NBR1: variants seen among roughly 807,000 people sequenced by gnomAD.
NBR1 encodes NBR1 autophagy cargo receptor.
NBR1 carries 59 observed loss-of-function variants against 115.5 expected under a neutral mutation model. That is an observed-to-expected ratio of 0.51 (90% CI 0.41 to 0.63). NBR1 has a LOEUF of 0.63. Ranked by LOEUF, NBR1 falls within the 30% of genes least tolerant of loss-of-function variation. NBR1 has a pLI of 0.00. For missense variants in NBR1, 1,043 were observed against 1,150.5 expected (o/e 0.91, Z 1.35); for synonymous variants, 373 against 414.7 (o/e 0.90, Z 1.22).
intron 1 of NBR1, among the ~76,000 whole-genome samples, chr17:43,174,704 G>A (rs1337332898): frequency 6.6e-6 from 1 of 152,050 alleles, no homozygotes; most frequent in African/African-American, 2.4e-5. Flanking sequence ...GGAGATGCGG[G>A]GGTATATGTG....
chr17:43,181,563 G>A (rs1036897889), intron 5 of NBR1, among the ~76,000 whole-genome samples: 1 of 152,244 alleles, frequency 6.6e-6, no homozygotes, highest in Non-Finnish European at 1.5e-5. Context: ...CTACTTGGGA[G>A]GCTGAGGCAG....
chr17:43,184,672 T>C lies in NBR1; in HGVS notation c.208-1578T>C, dbSNP rs372505115. On this transcript the variant is annotated intron_variant, in intron 5 of 20. Coordinates refer to ENST00000590996, the MANE Select transcript of NBR1 (RefSeq NM_005899.5). ...TGAGCCACCGCGCCTGGCCCCAAAATACTATTTTTATTGGAAAAGTAAATG... is the reference window on the plus strand; with the variant it reads ...TGAGCCACCGCGCCTGGCCCCAAAACACTATTTTTATTGGAAAAGTAAATG... Among the ~76,000 whole-genome samples, 59 of 151,820 alleles carry C rather than the reference T, an allele frequency of 3.9e-4. 1 individual carries two copies. The Middle Eastern group carries it at 0.027, about 70-fold the overall frequency.
In NBR1 at chr17:43,202,704, C is replaced by A; in HGVS notation, c.2613C>A (p.Asp871Glu). Reference protein sequence around the residue: ...GLVNSRQKSYDHSRHHHGSSI... With the variant: ...GLVNSRQKSYEHSRHHHGSSI... Reference sequence around the variant, plus strand: ...TAAACAGCAGACAGAAGAGCTATGACCACTCAAGGTAACAACCTTGTGCAG... The same window carrying A: ...TAAACAGCAGACAGAAGAGCTATGAACACTCAAGGTAACAACCTTGTGCAG... Residue 871 changes from aspartate (D) to glutamate (E), a missense_variant, in exon 19 of 21, where the codon GAC (aspartate) becomes GAA (glutamate). By Grantham distance (45) the Asp-to-Glu change is conservative. Transcript: ENST00000590996. 1 of 1,572,710 alleles carries A rather than the reference C, an allele frequency of 6.4e-7. No individual in the cohort carries two copies. Among genetic ancestry groups the A allele is most frequent in the East Asian group, 2.3e-5 (1 of 43,412 alleles).
At chr17:43,201,071 G>A (rs35243819) in intron 17 of NBR1, among the ~76,000 whole-genome samples, 45,948 of 151,898 alleles carry the variant, frequency 0.3, 7,522 homozygotes, top group South Asian at 0.49. Context: ...GTTTTGCCAC[G>A]TTGTCCAGGC....
chr17:43,185,585 C>A lies in NBR1; in HGVS notation c.208-665C>A, dbSNP rs553661602. 2.0e-5 allele frequency among the ~76,000 whole-genome samples: 3 copies of A among 152,266 alleles called. No individual in the cohort carries two copies. The South Asian group carries it at 6.2e-4, about 32-fold the overall frequency. ...GTGTGGTGGCATGCGCCTGTAATCC[C>A]AGCTACCCGGGAGGCTGAGGTGGGA... is the stretch of plus-strand genomic sequence containing the variant. On this transcript the variant is annotated intron_variant, in intron 5 of 20. Transcript: ENST00000590996.
chr17:43,207,328 A>G (rs549171592), intron 20 of NBR1, among the ~76,000 whole-genome samples: 1 of 152,296 alleles, frequency 6.6e-6, no homozygotes, highest in East Asian at 1.9e-4. Flanking sequence ...GTATTTATAT[A>G]TAACCTAGGC....
chr17:43,196,511 A>G lies in NBR1; in HGVS notation c.1781A>G (p.His594Arg). ...ACTCCCTGCATGTCTCCTCTGCCAC[A>G]TGACAGTCCTTTAATAGAGAAGCCA... ...DVTPCMSPLP[H>R]DSPLIEKPGL... Residue 594 changes from histidine (H) to arginine (R), a missense_variant, in exon 15 of 21, where the codon CAT (histidine) becomes CGT (arginine). Transcript: ENST00000590996. The G allele has an allele frequency of 6.3e-7, 1 of 1,598,138 alleles. No homozygotes were observed. The highest frequency in any genetic ancestry group is 8.5e-7 in the Non-Finnish European group (1 of 1,175,000).
Position 43,189,067 on chromosome 17 carries a change from CA to C in NBR1, c.429del (p.Asp144ThrfsTer114). The C allele has an allele frequency of 2.5e-6, 4 of 1,613,054 alleles. No homozygotes were observed. Among genetic ancestry groups the C allele is most frequent in the Non-Finnish European group, 3.4e-6 (4 of 1,179,010 alleles). On this transcript the variant is annotated frameshift_variant, in exon 7 of 21. Coordinates refer to ENST00000590996, the MANE Select transcript of NBR1 (RefSeq NM_005899.5). LOFTEE classifies it high-confidence loss of function. ...TCGTTTCCACTTGTTCCATGTGACA[CA>C]GACCAGCCTCAAGACAAGCCCCCAG... ...VQSFPLVPCD[T>X]DQPQDKPPDW...
rs372752550 is a variant in NBR1 at position 43,179,459 on chromosome 17, C to A, written c.184+47C>A. The A allele has an allele frequency of 1.4e-5, 22 of 1,549,472 alleles. No individual in the cohort carries two copies. In the African/African-American group the frequency reaches 1.9e-4, roughly 13 times the overall value. The stretch of plus-strand genomic sequence containing the variant: ...TTCAGCCTTGTTTAAAAACCTTAAT[C>A]TGCTCATTGAGGCATTTCTATTTAT... On this transcript the variant is annotated intron_variant, in intron 4 of 20. Transcript: ENST00000590996.
At chr17:43,208,192 C>T (rs1240890686) in intron 20 of NBR1, among the ~76,000 whole-genome samples, 1 of 152,118 alleles carries the variant, frequency 6.6e-6, no homozygotes, top group African/African-American at 2.4e-5. Context: ...AGACAGGCTA[C>T]AACAGGCAGA....
intron 18 of NBR1, 95 bp downstream of exon 18, chr17:43,201,875 T>G: frequency 1.3e-6 from 1 of 779,540 alleles, no homozygotes; most frequent in Non-Finnish European, 2.1e-6. Flanking sequence ...TTCTTGGTGG[T>G]TTTTTGAAAC....
intron 6 of NBR1, among the ~76,000 whole-genome samples, chr17:43,187,502 CTTTTTTTTTTT>C (rs71160025): frequency 5.8e-5 from 4 of 68,836 alleles, no homozygotes; most frequent in South Asian, 5.9e-4. Context: ...TATTTCCTGA[CTTTTTTTTTTT>C]TTTTTTTTTT....
intron 5 of NBR1, among the ~76,000 whole-genome samples, chr17:43,184,327 C>T (rs1039928194): frequency 2.7e-5 from 4 of 149,028 alleles, no homozygotes; most frequent in African/African-American, 9.8e-5. Flanking sequence ...CCAAAGTGCT[C>T]GGATTACAGG....
chr17:43,194,769 G>A lies in NBR1; in HGVS notation c.1675-195G>A, dbSNP rs1031562097. On this transcript the variant is annotated intron_variant, in intron 13 of 20. Coordinates refer to ENST00000590996, the MANE Select transcript of NBR1 (RefSeq NM_005899.5). The stretch of plus-strand genomic sequence containing the variant: ...TAGCTAATTCTCCTTCATACCTGCT[G>A]CATTTTCTCTTTCCTGCTATTGGGT... 9.3e-5 allele frequency: 58 copies of A among 621,734 alleles called. 2 individuals carry two copies. The highest frequency in any genetic ancestry group is 4.0e-4 in the East Asian group (14 of 34,836). 38.5% of individuals were successfully genotyped at this position (621,734 alleles called of 1,614,324 possible). A position where few individuals can be genotyped will look rare whatever the true frequency, so the allele number is the denominator to read the frequency against.
At chr17:43,192,020 C>CTTTTT (rs34920601) in intron 10 of NBR1, among the ~76,000 whole-genome samples, 2 of 107,548 alleles carry the variant, frequency 1.9e-5, no homozygotes, top group Admixed American at 1.2e-4. Context: ...CAGCACCCGG[C>CTTTTT]TTTTTTTTTT....
upstream of NBR1, chr17:43,171,065 C>G (rs2056346211): frequency 6.6e-6 from 1 of 152,546 alleles, no homozygotes; most frequent in Admixed American, 6.5e-5. Flanking sequence ...TATTGTTGTT[C>G]GGGTTCAGGT....
At chr17:43,192,127 T>C (rs1455940992) in intron 10 of NBR1, among the ~76,000 whole-genome samples, 2 of 151,280 alleles carry the variant, frequency 1.3e-5, no homozygotes, top group Non-Finnish European at 2.9e-5. Flanking sequence ...TTCAAGTGAT[T>C]CTCCTGCCTC....
intron 14 of NBR1, chr17:43,195,579 A>G (rs1044808703): frequency 1.9e-5 from 3 of 154,030 alleles, no homozygotes; most frequent in African/African-American, 7.4e-5. Flanking sequence ...TGAACCCAGA[A>G]GGCGGAGGTT....
rs2057227257 is a variant in NBR1, at chr17:43,202,536, AAAAG to A, written c.2564-117_2564-114del. 3.5e-5 allele frequency: 22 copies of A among 628,246 alleles called. 1 individual carries two copies. Among genetic ancestry groups the A allele is most frequent in the Admixed American group, 3.3e-5 (1 of 30,766 alleles). The allele number at this position is 628,246 out of a possible 1,614,324, so 38.9% of individuals were successfully genotyped here. A position where few individuals can be genotyped will look rare whatever the true frequency, so the allele number is the denominator to read the frequency against. On this transcript the variant is annotated intron_variant, in intron 18 of 20. Coordinates refer to ENST00000590996, the MANE Select transcript of NBR1 (RefSeq NM_005899.5). ...TCCCAAATACTTTAAAAAAAAAAAAAAAAGACTTCAAACACTGTGATCAGATTGC... is the reference window on the plus strand; with the variant it reads ...TCCCAAATACTTTAAAAAAAAAAAAAACTTCAAACACTGTGATCAGATTGC...
Sources: gnomAD v4.1 joint callset for allele counts (sites outside exome capture counted in the v4.1 genomes callset) on GRCh38, gnomAD v4.1.1 for gene constraint, MANE v1.5 for transcripts, NCBI Gene and HGNC (gene_info 2026-07-23, HGNC 2026-07-21) for gene names.